The following KASH5 variants were observed in gnomAD, a reference collection of about 807,000 sequenced individuals.
The protein encoded by KASH5 is KASH domain containing 5.
Under a neutral mutation model 84.2 loss-of-function variants are expected in KASH5, and 72 were observed. That is an observed-to-expected ratio of 0.85 (90% CI 0.71 to 1.04). KASH5 has a LOEUF of 1.04. Among genes scored for constraint, KASH5 ranks in the 50% least tolerant of loss-of-function variants. The pLI is 0.00. For missense variants in KASH5, 650 were observed against 701.0 expected, an observed-to-expected ratio of 0.93 and a Z score of 0.82; for synonymous variants, 260 against 279.1, an observed-to-expected ratio of 0.93 and a Z score of 0.68.
rs77989487 is a variant in KASH5, at chr19:49,398,176, G to A, written c.629+33G>A. ...GGATGCCACACCCACCCTCCCCAGC[G>A]CCCCTGCCTCCGTCCTCCCTGCAGC... is the stretch of plus-strand genomic sequence containing the variant. On this transcript the variant is annotated intron_variant, in intron 7 of 19. Coordinates refer to ENST00000447857, the MANE Select transcript of KASH5 (RefSeq NM_144688.5). The A allele has an allele frequency of 8.0e-4, 1,225 of 1,525,684 alleles. 7 individuals are homozygous for A. In the African/African-American group the frequency reaches 0.014, roughly 18 times the overall value. 94.5% of individuals were successfully genotyped at this position (1,525,684 alleles called of 1,614,324 possible). A position where few individuals can be genotyped will look rare whatever the true frequency, so the allele number is the denominator to read the frequency against.
chr19:49,403,884 CTACAGAGCA>C (rs1974444470), intron 9 of KASH5, among the ~76,000 whole-genome samples: 1 of 152,200 alleles, frequency 6.6e-6, no homozygotes. Context: ...ACACAGCTGC[CTACAGAGCA>C]TCTATAGATT....
In KASH5 at chr19:49,417,175, C is replaced by A. The variant is rs1974934547; in HGVS notation, c.1456C>A (p.Leu486Ile). Residue 486 changes from leucine to isoleucine, a missense_variant, in exon 19 of 20, where the codon CTC becomes ATC. Coordinates refer to ENST00000447857, the MANE Select transcript of KASH5 (RefSeq NM_144688.5). This position sits in a 1 kb window ranked among gnomAD's most constrained non-coding sequence, Gnocchi z 5.2. Reference protein sequence around the residue: ...NPPERPARRELQQALVPVMKK... With the variant: ...NPPERPARREIQQALVPVMKK... ...CCCCAGCAGACCTGCGCGGCGGGAA[C>A]TCCAGCAAGCCCTGGTGCCTGTGAT... 6.2e-7 allele frequency: 1 copy of A among 1,613,730 alleles called. No homozygotes were observed. The highest frequency in any genetic ancestry group is 8.5e-7 in the Non-Finnish European group (1 of 1,179,842).
At position 49,409,753 on chromosome 19, in the gene KASH5, A is replaced by G. The variant is rs1410924941; in HGVS notation, c.1147A>G (p.Lys383Glu). 2 of 1,613,904 alleles carry G rather than the reference A, an allele frequency of 1.2e-6. No homozygotes were observed. Among genetic ancestry groups the G allele is most frequent in the Admixed American group, 3.3e-5 (2 of 60,022 alleles). ...LGLEIEAIRQ[K>E]QEVATADLSN... ...ACCTCGGAAACAACTTCTGTCCCAG[A>G]AACAGGAAGTGGCAACTGCTGATCT... The change falls in exon 15 of 20, where the codon AAA becomes GAA. Residue 383 changes from lysine to glutamate, a missense_variant and splice_region_variant. Physicochemically the swap from Lys to Glu is moderately conservative, Grantham distance 56. Transcript: ENST00000447857.
At chr19:49,393,786 C>A (rs1974083958) in intron 2 of KASH5, 1 of 152,430 alleles carries the variant, frequency 6.6e-6, no homozygotes, top group Admixed American at 6.5e-5. Context: ...TCTACCCACC[C>A]CCCCAGTAGG....
intron 9 of KASH5, among the ~76,000 whole-genome samples, chr19:49,404,219 GC>G (rs1163725427): frequency 2.0e-5 from 3 of 152,198 alleles, no homozygotes; most frequent in African/African-American, 7.2e-5. Context: ...GGAGAGGCTG[GC>G]CTTGGTGTAT....
At chr19:49,391,517 A>G (rs1053520392) in intron 2 of KASH5, among the ~76,000 whole-genome samples, 3 of 152,246 alleles carry the variant, frequency 2.0e-5, no homozygotes, top group Non-Finnish European at 4.4e-5. Flanking sequence ...TGTATATTAT[A>G]TATGTATACA....
In KASH5 at chr19:49,412,150, C is replaced by A. The variant is rs1974740768; in HGVS notation, c.1270-818C>A. On this transcript the variant is annotated intron_variant, in intron 15 of 19. Transcript: ENST00000447857. The surrounding 1 kb of genome is among the most constrained non-coding windows in gnomAD (Gnocchi z 4.6). ...ACAGATTGTACTTTTCTTCATAAAG[C>A]CACAAGAAGGGTGGGGTCAGCTCCG... is the stretch of plus-strand genomic sequence containing the variant. Among the ~76,000 whole-genome samples, 1 of 152,088 alleles carries A rather than the reference C, an allele frequency of 6.6e-6. No homozygotes were observed. The highest frequency in any genetic ancestry group is 1.5e-5 in the Non-Finnish European group (1 of 68,022).
At chr19:49,394,766 A>G in intron 3 of KASH5, 186 bp downstream of exon 3, 1 of 595,800 alleles carries the variant, frequency 1.7e-6, no homozygotes, top group Non-Finnish European at 3.0e-6. Context: ...GCCTTTTAGA[A>G]TGAGGAAAAC....
rs1267704429 is a variant in KASH5 at position 49,412,259 on chromosome 19, C to A, written c.1270-709C>A. ...TGGAGCAATGGTGATGAAGCCTGAG[C>A]CAGGCCAGGGCCCTAGGGATGGAGG... On this transcript the variant is annotated intron_variant, in intron 15 of 19. Transcript: ENST00000447857. This position sits in a 1 kb window ranked among gnomAD's most constrained non-coding sequence, Gnocchi z 4.6. Among the ~76,000 whole-genome samples, 1 of 151,950 alleles carries A rather than the reference C, an allele frequency of 6.6e-6. No individual in the cohort carries two copies. Among genetic ancestry groups the A allele is most frequent in the East Asian group, 1.9e-4 (1 of 5,150 alleles).
intron 15 of KASH5, among the ~76,000 whole-genome samples, chr19:49,411,086 T>C (rs1974695095): frequency 6.6e-6 from 1 of 152,080 alleles, no homozygotes; most frequent in Non-Finnish European, 1.5e-5. Flanking sequence ...ACCACAGGCA[T>C]GTGCCACCAT....
chr19:49,388,989 G>A (rs983687714), intron 1 of KASH5, among the ~76,000 whole-genome samples: 3 of 151,724 alleles, frequency 2.0e-5, no homozygotes, highest in African/African-American at 7.3e-5. Context: ...CCCAGAAACG[G>A]AGACCCCGAA....
chr19:49,394,360 A>G (rs1227667200), intron 2 of KASH5, 116 bp from the exon 3 acceptor site: 2 of 733,238 alleles, frequency 2.7e-6, no homozygotes, highest in East Asian at 2.6e-5. Flanking sequence ...CCGAACTCTC[A>G]GTGCTCTGAG....
intron 5 of KASH5, among the ~76,000 whole-genome samples, chr19:49,397,375 G>A (rs535332845): frequency 4.6e-5 from 7 of 152,156 alleles, no homozygotes; most frequent in Non-Finnish European, 5.9e-5. Context: ...CTGAGTGGTC[G>A]GTGGGGGATC....
Position 49,409,032 on chromosome 19 carries a change from G to T in KASH5, c.1058+1G>T. ...GTCAGACCTATGAGGGGCCCGATGA[G>T]TGAGTGGAATTTCAAGGGGTAGGAG... On this transcript the variant is annotated splice_donor_variant, in intron 13 of 19. Coordinates refer to ENST00000447857, the MANE Select transcript of KASH5 (RefSeq NM_144688.5). LOFTEE classifies it high-confidence loss of function. 6.3e-7 allele frequency: 1 copy of T among 1,590,494 alleles called. No individual in the cohort carries two copies. The highest frequency in any genetic ancestry group is 1.1e-5 in the South Asian group (1 of 87,202).
chr19:49,389,273 C>G (rs913048771), intron 1 of KASH5, among the ~76,000 whole-genome samples: 2 of 146,448 alleles, frequency 1.4e-5, no homozygotes. Flanking sequence ...CCCTGAAATC[C>G]AGTCAGAGAC....
chr19:49,410,735 G>T (rs190606033), intron 15 of KASH5, among the ~76,000 whole-genome samples: 3 of 152,086 alleles, frequency 2.0e-5, no homozygotes, highest in Admixed American at 2.0e-4. Context: ...TGATCTGCCC[G>T]CCTCGGCCTC....
Position 49,412,429 on chromosome 19 carries a change from TG to T in KASH5, c.1270-537del, listed in dbSNP as rs1461476074. ...TCTTGAGGGATGTCTGGGGGCTGCC[TG>T]GAAGAGTTGGGTGCACCATCCTGGA... On this transcript the variant is annotated intron_variant, in intron 15 of 19. Coordinates refer to ENST00000447857, the MANE Select transcript of KASH5 (RefSeq NM_144688.5). The surrounding 1 kb of genome is among the most constrained non-coding windows in gnomAD (Gnocchi z 4.6). Among the ~76,000 whole-genome samples the T allele has an allele frequency of 1.3e-5, 2 of 151,966 alleles. No individual in the cohort carries two copies. Among genetic ancestry groups the T allele is most frequent in the Non-Finnish European group, 2.9e-5 (2 of 67,940 alleles).
At chr19:49,407,466 CT>C in intron 11 of KASH5, 145 bp from the exon 12 acceptor site, 2 of 1,087,364 alleles carry the variant, frequency 1.8e-6, no homozygotes, top group South Asian at 2.8e-5. Flanking sequence ...TCTAGAAGCC[CT>C]TCTGCCCGGT....
chr19:49,391,344 C>T (rs1197280259), intron 2 of KASH5, among the ~76,000 whole-genome samples: 2 of 152,154 alleles, frequency 1.3e-5, no homozygotes, highest in Non-Finnish European at 2.9e-5. Context: ...CACAAGGCAG[C>T]GTCTGTTTTA....
Sources: allele counts gnomAD v4.1 joint callset (sites outside exome capture counted in the v4.1 genomes callset), GRCh38; gene constraint gnomAD v4.1.1; non-coding constraint Gnocchi (gnomAD v3.1); transcripts MANE v1.5; gene names NCBI Gene and HGNC (gene_info 2026-07-23, HGNC 2026-07-21).